Variants in ALS2 observed in about 807,000 individuals in gnomAD.
The protein encoded by ALS2 is alsin Rho guanine nucleotide exchange factor ALS2.
Under a neutral mutation model 203.4 loss-of-function variants are expected in ALS2, and 117 were observed. The observed-to-expected ratio is 0.58, with a 90% confidence interval of 0.50 to 0.67. ALS2 has a LOEUF of 0.67. Ranked by LOEUF, ALS2 falls within the 30% of genes least tolerant of loss-of-function variation. The pLI is 0.00. For missense variants in ALS2, 1,715 were observed against 1,989.4 expected (o/e 0.86, Z 2.62); for synonymous variants, 718 against 725.9 (o/e 0.99, Z 0.17).
rs185911369 is a variant in ALS2, at chr2:201,746,756, G to A, written c.1816-8C>T. The A allele has an allele frequency of 2.6e-3, 4,147 of 1,613,968 alleles. 7 individuals are homozygous for A. The highest frequency in any genetic ancestry group is 3.1e-3 in the Non-Finnish European group (3,701 of 1,179,940). Reference sequence around the variant, plus strand: ...TCCATTTTCACTGCTTATCTGCAACGACAGAAAGATAGTGTCTGTCCAAGA... The same window carrying A: ...TCCATTTTCACTGCTTATCTGCAACAACAGAAAGATAGTGTCTGTCCAAGA... On this transcript the variant is annotated splice_region_variant and splice_polypyrimidine_tract_variant and intron_variant, in intron 8 of 33. Coordinates refer to ENST00000264276, the MANE Select transcript of ALS2 (RefSeq NM_020919.4).
At chr2:201,757,275 A>G in intron 5 of ALS2, 127 bp downstream of exon 5, 1 of 815,966 alleles carries the variant, frequency 1.2e-6, no homozygotes, top group Non-Finnish European at 2.1e-6. Flanking sequence ...CCACCATTAA[A>G]TAAATATTCA....
intron 32 of ALS2, 64 bp downstream of exon 32, chr2:201,704,390 A>C: frequency 6.3e-7 from 1 of 1,598,388 alleles, no homozygotes; most frequent in Non-Finnish European, 8.6e-7. Context: ...GTCAGTTCAG[A>C]AAATGCAAGC....
intron 29 of ALS2, among the ~76,000 whole-genome samples, chr2:201,706,154 G>A (rs538233044): frequency 1.3e-5 from 2 of 152,130 alleles, no homozygotes; most frequent in Non-Finnish European, 1.5e-5. Context: ...GGGAGGCCGA[G>A]GCGAGCAGAT....
chr2:201,752,897 G>A (rs553632890), intron 7 of ALS2, among the ~76,000 whole-genome samples: 1 of 152,242 alleles, frequency 6.6e-6, no homozygotes, highest in Non-Finnish European at 1.5e-5. Context: ...CCTAAATCAG[G>A]CAGAAAAGTG....
intron 3 of ALS2, chr2:201,765,807 A>G (rs373706851): frequency 1.2e-5 from 2 of 167,082 alleles, no homozygotes; most frequent in African/African-American, 4.8e-5. Flanking sequence ...TATAATATGC[A>G]TTGTGAATTG....
intron 23 of ALS2, among the ~76,000 whole-genome samples, chr2:201,721,020 A>C (rs1690759675): frequency 6.6e-6 from 1 of 152,220 alleles, no homozygotes; most frequent in South Asian, 2.1e-4. Flanking sequence ...ACAAAATACA[A>C]AATCAACTGC....
rs1693487769 is a variant in ALS2 at position 201,757,775 on chromosome 2, A to G, written c.1114-16T>C. 1 of 1,548,728 alleles carries G rather than the reference A, an allele frequency of 6.5e-7. No individual in the cohort carries two copies. The highest frequency in any genetic ancestry group is 8.8e-7 in the Non-Finnish European group (1 of 1,133,782). ...CTAAAAGAGGCTAAAATATACACAC[A>G]TAAAAAATTATATAAAAATATAATC... On this transcript the variant is annotated splice_polypyrimidine_tract_variant and intron_variant, in intron 4 of 33. Coordinates refer to ENST00000264276, the MANE Select transcript of ALS2 (RefSeq NM_020919.4).
At chr2:201,710,474 A>G (rs1471065165) in intron 26 of ALS2, among the ~76,000 whole-genome samples, 2 of 152,048 alleles carry the variant, frequency 1.3e-5, no homozygotes, top group Non-Finnish European at 2.9e-5. Flanking sequence ...AGATTCAAAT[A>G]TACTTTAAAC....
chr2:201,718,349 T>C, intron 23 of ALS2, 139 bp from the exon 24 acceptor site: 1 of 947,540 alleles, frequency 1.1e-6, no homozygotes, highest in Non-Finnish European at 1.6e-6. Flanking sequence ...AACCTCCGCT[T>C]CCTGGGTTAA....
At position 201,768,879 on chromosome 2, in the gene ALS2, A is replaced by G; in HGVS notation, c.7T>C (p.Ser3Pro). The change falls in exon 2 of 34, where the codon TCA (serine) becomes CCA (proline). Residue 3 changes from serine to proline, a missense_variant. Ser to Pro is a moderately conservative substitution (Grantham distance 74). Transcript: ENST00000264276. ...AAATGATTTTACCTTCTCTTCTTTG[A>G]GTCCATCGGTCAGTGGGAACACTCC... MD[S>P]KKRSSTEAEG... The G allele has an allele frequency of 6.2e-7, 1 of 1,613,606 alleles. No homozygotes were observed. The highest frequency in any genetic ancestry group is 8.5e-7 in the Non-Finnish European group (1 of 1,179,632).
chr2:201,772,473 C>T (rs1694440098), intron 1 of ALS2, among the ~76,000 whole-genome samples: 3 of 152,138 alleles, frequency 2.0e-5, no homozygotes, highest in Admixed American at 2.0e-4. Flanking sequence ...CTGACCTGAA[C>T]TGATATGAGG....
chr2:201,775,340 C>T (rs1212483471), intron 1 of ALS2, among the ~76,000 whole-genome samples: 1 of 152,080 alleles, frequency 6.6e-6, no homozygotes, highest in African/African-American at 2.4e-5. Context: ...TTCCTATAGT[C>T]ATTAACACCT....
At chr2:201,754,258 C>G (rs573711248) in intron 6 of ALS2, among the ~76,000 whole-genome samples, 1 of 152,288 alleles carries the variant, frequency 6.6e-6, no homozygotes, top group South Asian at 2.1e-4. Flanking sequence ...GGTGATCCAC[C>G]TGCCTCAGTC....
chr2:201,715,254 C>T (rs1287596530), intron 25 of ALS2, among the ~76,000 whole-genome samples: 1 of 152,170 alleles, frequency 6.6e-6, no homozygotes, highest in Non-Finnish European at 1.5e-5. Context: ...TTTTAGGAGT[C>T]CCTTTGTCAC....
At chr2:201,769,145 T>C (rs189423156) in intron 1 of ALS2, among the ~76,000 whole-genome samples, 200 bp from the exon 2 acceptor site, 16 of 152,302 alleles carry the variant, frequency 1.1e-4, no homozygotes, top group South Asian at 4.1e-4. Flanking sequence ...AAAATGCCCA[T>C]TGACTGTCAA....
Position 201,757,629 on chromosome 2 carries a change from GCAC to G in ALS2, c.1241_1243del (p.Gly414del). 1 of 1,614,160 alleles carries G rather than the reference GCAC, an allele frequency of 6.2e-7. No homozygotes were observed. Among genetic ancestry groups the G allele is most frequent in the South Asian group, 1.1e-5 (1 of 91,078 alleles). Reference sequence around the variant, plus strand: ...GTTCATAACTTTCTTCAGTGACAAGGCACCAGCTTCATAAGTAGCAGCCACTCT... The same window carrying G: ...GTTCATAACTTTCTTCAGTGACAAGGCAGCTTCATAAGTAGCAGCCACTCT... On this transcript the variant is annotated inframe_deletion, in exon 5 of 34. Transcript: ENST00000264276.
At chr2:201,735,301 G>C (rs951813936) in intron 12 of ALS2, among the ~76,000 whole-genome samples, 1 of 152,042 alleles carries the variant, frequency 6.6e-6, no homozygotes, top group Non-Finnish European at 1.5e-5. Flanking sequence ...ACAACATTGC[G>C]AATGTATTTG....
chr2:201,705,545 G>A (rs560973268), intron 29 of ALS2, 84 bp from the exon 30 acceptor site: 1 of 1,045,808 alleles, frequency 9.6e-7, no homozygotes, highest in Non-Finnish European at 1.5e-6. Flanking sequence ...AGCTATATTG[G>A]CTTCCTTGTC....
At chr2:201,727,417 G>T in intron 16 of ALS2, 139 bp from the exon 17 acceptor site, 3 of 827,916 alleles carry the variant, frequency 3.6e-6, no homozygotes, top group Admixed American at 2.0e-5. Flanking sequence ...GGTTTTGGGC[G>T]CCACCACGGT....
Sources: gnomAD v4.1 joint callset for allele counts (sites outside exome capture counted in the v4.1 genomes callset) on GRCh38, gnomAD v4.1.1 for gene constraint, MANE v1.5 for transcripts, NCBI Gene and HGNC (gene_info 2026-07-23, HGNC 2026-07-21) for gene names.